ELMO1: variants seen among roughly 807,000 people sequenced by gnomAD.
The protein encoded by ELMO1 is engulfment and cell motility protein 1.
In ELMO1, 26 loss-of-function variants were observed where a neutral mutation model predicts 98.9. The observed-to-expected ratio is 0.26, with a 90% CI of 0.19 to 0.36. ELMO1 has a LOEUF of 0.36. Ranked by LOEUF, ELMO1 falls within the 10% of genes least tolerant of loss-of-function variation. ELMO1 has a pLI of 1.00. For synonymous variants in ELMO1, 346 were observed against 346.0 expected (o/e 1.00, Z 0.00); for missense variants, 627 against 935.2 (o/e 0.67, Z 4.30).
chr7:37,185,558 T>C (rs561043802), intron 13 of ELMO1, among the ~76,000 whole-genome samples: 4 of 152,262 alleles, frequency 2.6e-5, no homozygotes, highest in Admixed American at 6.5e-5. Context: ...ACTGTATATA[T>C]ATACATACCA....
At chr7:37,369,051 C>T (rs74988433) in intron 1 of ELMO1, among the ~76,000 whole-genome samples, 12,260 of 152,098 alleles carry the variant, frequency 0.081, 620 homozygotes, top group Middle Eastern at 0.11. Flanking sequence ...TATTGAAAAA[C>T]ATTAAAGAAC....
chr7:37,099,517 A>T (rs1317653929), intron 14 of ELMO1, among the ~76,000 whole-genome samples: 5 of 152,226 alleles, frequency 3.3e-5, no homozygotes, highest in Admixed American at 3.3e-4. Flanking sequence ...TTTAAGAGCA[A>T]ATATGCTAGA....
chr7:37,442,804 C>A (rs1805461804), intron 1 of ELMO1, among the ~76,000 whole-genome samples: 1 of 152,204 alleles, frequency 6.6e-6, no homozygotes, highest in Non-Finnish European at 1.5e-5. Context: ...TCTCTGGACA[C>A]CACTGCAGCA....
chr7:37,278,456 C>G (rs1796969430), intron 4 of ELMO1, among the ~76,000 whole-genome samples: 1 of 152,050 alleles, frequency 6.6e-6, no homozygotes, highest in African/African-American at 2.4e-5. Flanking sequence ...CTGCAGTGAT[C>G]TATGATCCCA....
chr7:37,084,295 T>A (rs948620437), intron 15 of ELMO1, among the ~76,000 whole-genome samples: 5 of 152,154 alleles, frequency 3.3e-5, no homozygotes, highest in African/African-American at 9.7e-5. Flanking sequence ...TTATTAAAAA[T>A]TTAGCAATGT....
intron 1 of ELMO1, among the ~76,000 whole-genome samples, chr7:37,363,772 T>G (rs896749475): frequency 2.0e-4 from 31 of 152,108 alleles, no homozygotes; most frequent in African/African-American, 6.5e-4. Context: ...TGAAGTTAAA[T>G]TCTCAGAAAT....
intron 1 of ELMO1, among the ~76,000 whole-genome samples, chr7:37,442,361 T>C (rs1169020392): frequency 6.6e-6 from 1 of 152,184 alleles, no homozygotes; most frequent in Non-Finnish European, 1.5e-5. Flanking sequence ...GTTTTCTTAG[T>C]TGGTATGAAT....
chr7:37,085,934 G>A (rs75025997), intron 15 of ELMO1, among the ~76,000 whole-genome samples: 1,855 of 152,308 alleles, frequency 0.012, 42 homozygotes, highest in African/African-American at 0.043. Flanking sequence ...TTAGGAAAAC[G>A]ACATCCACTA....
intron 1 of ELMO1, among the ~76,000 whole-genome samples, chr7:37,397,491 T>C (rs1803346161): frequency 6.6e-6 from 1 of 152,208 alleles, no homozygotes; most frequent in Non-Finnish European, 1.5e-5. Context: ...ACAGCATGCC[T>C]GTGAAGATGC....
chr7:37,209,914 A>T (rs530734393), intron 13 of ELMO1, among the ~76,000 whole-genome samples: 3 of 152,370 alleles, frequency 2.0e-5, no homozygotes, highest in South Asian at 2.1e-4. Flanking sequence ...AAATATAATG[A>T]TACAAAAATA....
At position 36,935,291 on chromosome 7, in the gene ELMO1, C is replaced by T. The variant is rs569721801; in HGVS notation, c.1438-40274G>A. Among the ~76,000 whole-genome samples, 207 of 152,294 alleles carry T rather than the reference C, an allele frequency of 1.4e-3. 1 individual carries two copies. The highest frequency in any genetic ancestry group is 4.8e-3 in the African/African-American group (200 of 41,548). On this transcript the variant is annotated intron_variant, in intron 16 of 21. Transcript: ENST00000310758. ...TTCACCTTCTGCCATGATGGTGAGG[C>T]CTCCCCAGCCATGTGGAACTGTGAG...
rs767680500 is a variant in ELMO1 at position 36,929,282 on chromosome 7, C to T, written c.1438-34265G>A. Among the ~76,000 whole-genome samples the T allele has an allele frequency of 4.6e-5, 7 of 152,316 alleles. No homozygotes were observed. The South Asian group carries it at 8.3e-4, about 18-fold the overall frequency. Reference sequence around the variant, plus strand: ...CACATAGAAGTGGGGTCAAGCTCCACATGAAAGTGCAAGTGCTGCCACCTC... The same window carrying T: ...CACATAGAAGTGGGGTCAAGCTCCATATGAAAGTGCAAGTGCTGCCACCTC... On this transcript the variant is annotated intron_variant, in intron 16 of 21. Transcript: ENST00000310758.
At chr7:37,234,067 T>C (rs771789609) in intron 7 of ELMO1, among the ~76,000 whole-genome samples, 1 of 152,212 alleles carries the variant, frequency 6.6e-6, no homozygotes, top group Non-Finnish European at 1.5e-5. Flanking sequence ...GAATCTTTCA[T>C]AGATATTCAC....
chr7:36,976,620 C>G (rs1790573197), intron 16 of ELMO1, among the ~76,000 whole-genome samples: 1 of 152,162 alleles, frequency 6.6e-6, no homozygotes, highest in African/African-American at 2.4e-5. Context: ...GTTTGGCTCT[C>G]AGAGAAGGTT....
chr7:36,958,206 T>C (rs1422315338), intron 16 of ELMO1, among the ~76,000 whole-genome samples: 3 of 152,126 alleles, frequency 2.0e-5, no homozygotes, highest in Non-Finnish European at 4.4e-5. Context: ...CCCCAGTACC[T>C]CTTCTCTCTA....
At chr7:37,067,154 A>G (rs149037787) in intron 15 of ELMO1, among the ~76,000 whole-genome samples, 20 of 152,348 alleles carry the variant, frequency 1.3e-4, no homozygotes, top group African/African-American at 4.8e-4. Context: ...ATTTTTAGGT[A>G]AAGGTTTAAA....
intron 2 of ELMO1, among the ~76,000 whole-genome samples, chr7:37,336,436 T>C (rs1011028232): frequency 2.0e-5 from 3 of 152,206 alleles, no homozygotes; most frequent in Non-Finnish European, 4.4e-5. Context: ...TGGCAGGCTA[T>C]GCCGGTGATG....
chr7:37,288,720 A>G (rs572620953), intron 4 of ELMO1, among the ~76,000 whole-genome samples: 18 of 152,318 alleles, frequency 1.2e-4, no homozygotes, highest in Middle Eastern at 3.4e-3. Flanking sequence ...GCCTTAGTGT[A>G]TAAGTTTTGA....
intron 18 of ELMO1, among the ~76,000 whole-genome samples, chr7:36,885,303 G>A (rs377220725): frequency 4.2e-5 from 6 of 143,390 alleles, no homozygotes; most frequent in East Asian, 2.1e-4. Context: ...TTATAGATAC[G>A]GGACTAACAT....
Sources: gnomAD v4.1 joint callset for allele counts (sites outside exome capture counted in the v4.1 genomes callset) on GRCh38, gnomAD v4.1.1 for gene constraint, MANE v1.5 for transcripts, NCBI Gene and HGNC (gene_info 2026-07-23, HGNC 2026-07-21) for gene names.